The following DNM3 variants were observed in gnomAD, a reference collection of about 807,000 sequenced individuals.
DNM3 encodes dynamin 3, also known as dynamin-3.
In DNM3, 47 loss-of-function variants were observed where a neutral mutation model predicts 101.6. The observed-to-expected ratio is 0.46, with a 90% CI of 0.37 to 0.59. DNM3 has a LOEUF of 0.59. DNM3 is among the 20% of genes least tolerant of loss of function. The pLI, the probability that DNM3 is intolerant of heterozygous loss-of-function variation, is 0.00. For missense variants in DNM3, 849 were observed against 1,085.7 expected (o/e 0.78, Z 3.06); for synonymous variants, 385 against 387.9 (o/e 0.99, Z 0.09).
chr1:172,157,596 GA>G (rs940511190), intron 14 of DNM3, among the ~76,000 whole-genome samples: 7 of 151,972 alleles, frequency 4.6e-5, no homozygotes, highest in Non-Finnish European at 8.8e-5. Context: ...ATTGCAGATT[GA>G]AAATATTTGA....
chr1:172,218,957 A>G (rs1474340781), intron 14 of DNM3, among the ~76,000 whole-genome samples: 1 of 152,190 alleles, frequency 6.6e-6, no homozygotes, highest in African/African-American at 2.4e-5. Flanking sequence ...TATCATGTGC[A>G]TGCATTATTA....
intron 4 of DNM3, among the ~76,000 whole-genome samples, chr1:172,019,866 T>C (rs576554369): frequency 1.2e-4 from 19 of 152,168 alleles, no homozygotes; most frequent in Non-Finnish European, 2.5e-4. Context: ...CCATCTGTTT[T>C]TGTAGGCTGT....
At chr1:172,393,235 G>C (rs1343811861) in intron 20 of DNM3, 1 of 152,130 alleles carries the variant, frequency 6.6e-6, no homozygotes, top group East Asian at 1.9e-4. Flanking sequence ...TTATAATTTA[G>C]TTTAATTCTG....
At chr1:172,007,806 C>A (rs2046797521) in intron 4 of DNM3, among the ~76,000 whole-genome samples, 1 of 152,038 alleles carries the variant, frequency 6.6e-6, no homozygotes, top group African/African-American at 2.4e-5. Flanking sequence ...TTGCTCTTTA[C>A]ATATACTGGA....
At chr1:172,344,630 C>T (rs1027044686) in intron 17 of DNM3, among the ~76,000 whole-genome samples, 1 of 152,178 alleles carries the variant, frequency 6.6e-6, no homozygotes, top group Non-Finnish European at 1.5e-5. Flanking sequence ...CTGCTAATTA[C>T]CTCCTTCCAC....
At chr1:172,097,997 A>C (rs2054363833) in intron 13 of DNM3, among the ~76,000 whole-genome samples, 1 of 152,178 alleles carries the variant, frequency 6.6e-6, no homozygotes, top group Non-Finnish European at 1.5e-5. Context: ...AGAATATCAC[A>C]AGGCAAATGG....
intron 10 of DNM3, among the ~76,000 whole-genome samples, chr1:172,058,312 C>T (rs1272690557): frequency 1.3e-5 from 2 of 151,604 alleles, no homozygotes; most frequent in African/African-American, 4.9e-5. Flanking sequence ...CAAGGATACC[C>T]AGGAATTGAA....
At chr1:172,290,066 A>G (rs2063844370) in intron 15 of DNM3, 2 of 898,500 alleles carry the variant, frequency 2.2e-6, no homozygotes, top group Non-Finnish European at 2.7e-6. Flanking sequence ...TCTTTGAAGA[A>G]CTTTGAATGC....
chr1:171,979,786 G>A (rs1395042480), intron 2 of DNM3, among the ~76,000 whole-genome samples: 1 of 152,146 alleles, frequency 6.6e-6, no homozygotes, highest in African/African-American at 2.4e-5. Context: ...TTTCAAGATG[G>A]CATTAATATT....
intron 17 of DNM3, among the ~76,000 whole-genome samples, chr1:172,368,337 C>G (rs1256414645): frequency 6.6e-6 from 1 of 151,768 alleles, no homozygotes; most frequent in Non-Finnish European, 1.5e-5. Flanking sequence ...GGAAACTGAA[C>G]AATTACATGT....
intron 14 of DNM3, among the ~76,000 whole-genome samples, chr1:172,163,122 A>G (rs2058605297): frequency 2.0e-5 from 3 of 152,150 alleles, no homozygotes; most frequent in Admixed American, 1.3e-4. Context: ...CAGTCAAGTT[A>G]ATTAACATGT....
intron 15 of DNM3, among the ~76,000 whole-genome samples, chr1:172,273,322 A>G (rs2063154404): frequency 6.6e-6 from 1 of 152,034 alleles, no homozygotes. Context: ...TTTTTAAGCC[A>G]ATGAGCCATC....
chr1:172,303,399 C>T (rs895854875), intron 15 of DNM3, among the ~76,000 whole-genome samples: 3 of 152,176 alleles, frequency 2.0e-5, no homozygotes, highest in Non-Finnish European at 2.9e-5. Context: ...ACCAAATCTA[C>T]ATTTGATTGG....
In DNM3 at chr1:171,980,943, G is replaced by T. The variant is rs543372155; in HGVS notation, c.236-6713G>T. ...CTGCTATCACACCTGGCTAATTTTT[G>T]TATTTTTCATAGAGACAGGGTGTCA... On this transcript the variant is annotated intron_variant, in intron 2 of 20. Transcript: ENST00000627582. 1.2e-4 allele frequency among the ~76,000 whole-genome samples: 18 copies of T among 151,748 alleles called. No homozygotes were observed. In the East Asian group the frequency reaches 3.5e-3, roughly 29 times the overall value.
At chr1:172,230,074 A>C (rs1345593032) in intron 14 of DNM3, among the ~76,000 whole-genome samples, 1 of 152,134 alleles carries the variant, frequency 6.6e-6, no homozygotes, top group Non-Finnish European at 1.5e-5. Flanking sequence ...CTTCCTGCTT[A>C]ACCTATAACT....
intron 2 of DNM3, among the ~76,000 whole-genome samples, chr1:171,930,674 A>T (rs1025327191): frequency 1.3e-5 from 2 of 151,966 alleles, no homozygotes; most frequent in East Asian, 1.9e-4. Flanking sequence ...CTCTGTGTTG[A>T]TCCCAGGTGG....
intron 9 of DNM3, among the ~76,000 whole-genome samples, chr1:172,046,258 A>T (rs2049790052): frequency 6.6e-6 from 1 of 152,184 alleles, no homozygotes; most frequent in Non-Finnish European, 1.5e-5. Flanking sequence ...CTTTGTAGGG[A>T]CATGGATGAA....
At position 171,841,655 on chromosome 1, in the gene DNM3, A is replaced by G. The variant is rs1363705517; in HGVS notation, c.-2A>G. ...CAGCTGGTCGCCGGCCCCTCGGGCA[A>G]GATGGGGAACCGGGAGATGGAGGAG... On this transcript the variant is annotated 5_prime_UTR_variant, in exon 1 of 21. Coordinates refer to ENST00000627582, the MANE Select transcript of DNM3 (RefSeq NM_015569.5). 2.5e-6 allele frequency: 4 copies of G among 1,609,692 alleles called. No homozygotes were observed. Among genetic ancestry groups the G allele is most frequent in the East Asian group, 4.5e-5 (2 of 44,780 alleles).
chr1:171,911,758 G>T (rs1210713451), intron 1 of DNM3, among the ~76,000 whole-genome samples: 1 of 152,120 alleles, frequency 6.6e-6, no homozygotes, highest in Non-Finnish European at 1.5e-5. Context: ...GCAGGGGAGG[G>T]GTTGACGTGA....
Sources: allele counts gnomAD v4.1 joint callset (sites outside exome capture counted in the v4.1 genomes callset), GRCh38; gene constraint gnomAD v4.1.1; transcripts MANE v1.5; gene names NCBI Gene and HGNC (gene_info 2026-07-23, HGNC 2026-07-21).